The following PAK3 variants were observed in gnomAD, a reference collection of about 807,000 sequenced individuals.
PAK3 encodes serine/threonine-protein kinase PAK 3.
Under a neutral mutation model 41.0 loss-of-function variants are expected in PAK3, and 4 were observed. The observed-to-expected ratio is 0.10, with a 90% CI of 0.05 to 0.22. The LOEUF is 0.22. Among genes scored for constraint, PAK3 ranks in the 10% least tolerant of loss-of-function variants. PAK3 has a pLI of 1.00. For missense variants in PAK3, 205 were observed against 409.9 expected, an observed-to-expected ratio of 0.50 and a Z score of 4.32; for synonymous variants, 146 against 139.6, an observed-to-expected ratio of 1.05 and a Z score of -0.32.
Position 111,227,210 on chromosome X carries a change from A to T in PAK3, c.*6763A>T, listed in dbSNP as rs2094957350. The T allele has an allele frequency of 8.9e-6, 1 of 112,070 alleles. No homozygotes were observed. Among genetic ancestry groups the T allele is most frequent in the African/African-American group, 3.2e-5 (1 of 30,789 alleles). 9.2% of individuals were successfully genotyped at this position (112,070 alleles called of 1,213,427 possible). Reference sequence around the variant, plus strand: ...ACCTCAGCATCCAATCTTTTTAAGGATTTTTGTTTTCAATATTGTTATTTT... The same window carrying T: ...ACCTCAGCATCCAATCTTTTTAAGGTTTTTTGTTTTCAATATTGTTATTTT... On this transcript the variant is annotated 3_prime_UTR_variant, in exon 18 of 18. Coordinates refer to ENST00000372007, the MANE Select transcript of PAK3 (RefSeq NM_002578.5).
At chrX:111,123,610 CTAACTA>C (rs1208935002) in intron 5 of PAK3, among the ~76,000 whole-genome samples, 1 of 112,394 alleles carries the variant, frequency 8.9e-6, no homozygotes, top group Non-Finnish European at 1.9e-5. Flanking sequence ...TAATCCCTCC[CTAACTA>C]TAAGTTGTTC....
chrX:111,105,823 A>G (rs2093248623), intron 4 of PAK3, among the ~76,000 whole-genome samples: 1 of 111,437 alleles, frequency 9.0e-6, no homozygotes, highest in Admixed American at 9.6e-5. Flanking sequence ...ACATATTTTT[A>G]TAAACTCAGC....
Position 111,220,968 on chromosome X carries a change from AAAAACAAAAAC to A in PAK3, c.*535_*545del, listed in dbSNP as rs1439673681. 8.1e-5 allele frequency: 9 copies of A among 110,509 alleles called. No individual in the cohort carries two copies. The highest frequency in any genetic ancestry group is 2.1e-4 in the African/African-American group (6 of 28,911). The allele number at this position is 110,509 out of a possible 1,213,427, so 9.1% of individuals were successfully genotyped here. The stretch of plus-strand genomic sequence containing the variant: ...GGCAAAAAAAAAAAAAAAAACAAAC[AAAAACAAAAAC>A]AAAACAAAAACAAGCAAACAAAAAA... On this transcript the variant is annotated 3_prime_UTR_variant, in exon 18 of 18. Coordinates refer to ENST00000372007, the MANE Select transcript of PAK3 (RefSeq NM_002578.5).
intron 1 of PAK3, among the ~76,000 whole-genome samples, chrX:111,006,952 T>A (rs761827638): frequency 1.7e-4 from 18 of 105,378 alleles, no homozygotes; most frequent in African/African-American, 5.2e-4. Context: ...TCAAGTGATC[T>A]TCCCGCCTTG....
intron 10 of PAK3, among the ~76,000 whole-genome samples, chrX:111,172,327 C>T (rs2094353326): frequency 9.0e-6 from 1 of 111,512 alleles, no homozygotes; most frequent in Admixed American, 9.5e-5. Context: ...TGTTTATGAG[C>T]CTGAGCACAT....
intron 1 of PAK3, among the ~76,000 whole-genome samples, chrX:110,950,694 C>A (rs974926541): frequency 4.5e-5 from 5 of 111,645 alleles, no homozygotes; most frequent in African/African-American, 1.6e-4. Flanking sequence ...TTTAATCCAA[C>A]CTTTGTTGAT....
At chrX:111,051,682 T>C (rs1351545645) in intron 1 of PAK3, among the ~76,000 whole-genome samples, 2 of 59,315 alleles carry the variant, frequency 3.4e-5, no homozygotes, top group African/African-American at 1.0e-4. Flanking sequence ...ACAACGTGTG[T>C]TACCGTGTGT....
intron 5 of PAK3, among the ~76,000 whole-genome samples, chrX:111,136,835 C>T (rs1269973134): frequency 2.7e-5 from 3 of 111,723 alleles, no homozygotes; most frequent in Non-Finnish European, 5.7e-5. Flanking sequence ...AGGTTTCATC[C>T]CCAGAAATCC....
chrX:111,091,505 A>G (rs1027893596), upstream of PAK3, among the ~76,000 whole-genome samples: 1 of 112,226 alleles, frequency 8.9e-6, no homozygotes, highest in East Asian at 2.8e-4. Context: ...AGAGGCTGGA[A>G]TAGAACCTGG....
intron 1 of PAK3, among the ~76,000 whole-genome samples, chrX:110,973,027 A>G (rs908421509): frequency 8.9e-6 from 1 of 111,984 alleles, no homozygotes; most frequent in African/African-American, 3.3e-5. Context: ...AAGAGTAAAA[A>G]GAAATGAACA....
At chrX:111,180,364 A>T (rs1464950509) in intron 11 of PAK3, among the ~76,000 whole-genome samples, 2 of 111,471 alleles carry the variant, frequency 1.8e-5, no homozygotes, top group Non-Finnish European at 3.8e-5. Flanking sequence ...ATACCCTCCA[A>T]AATAACTTAT....
intron 1 of PAK3, among the ~76,000 whole-genome samples, chrX:110,952,439 C>G (rs748189604): frequency 2.8e-4 from 31 of 111,558 alleles, no homozygotes; most frequent in African/African-American, 8.8e-4. Context: ...TTGGACACTG[C>G]TGGAAAAGGA....
At chrX:110,980,709 G>A (rs1292579649) in intron 1 of PAK3, among the ~76,000 whole-genome samples, 1 of 112,071 alleles carries the variant, frequency 8.9e-6, no homozygotes, top group Non-Finnish European at 1.9e-5. Context: ...AAAAAGTATG[G>A]ACAGCCATGT....
intron 1 of PAK3, among the ~76,000 whole-genome samples, chrX:111,026,306 G>A (rs1385395806): frequency 9.0e-6 from 1 of 111,486 alleles, no homozygotes; most frequent in Non-Finnish European, 1.9e-5. Flanking sequence ...CCTAGCCAGA[G>A]CAATCAGACA....
At chrX:110,981,733 T>C (rs969418958) in intron 1 of PAK3, among the ~76,000 whole-genome samples, 1 of 111,579 alleles carries the variant, frequency 9.0e-6, no homozygotes, top group Admixed American at 9.5e-5. Flanking sequence ...TTCAATGCAA[T>C]GAGACCCTAA....
At chrX:111,152,285 A>G (rs2094039488) in intron 7 of PAK3, 125 bp from the exon 8 acceptor site, 2 of 501,846 alleles carry the variant, frequency 4.0e-6, no homozygotes, top group African/African-American at 2.4e-5. Flanking sequence ...TCTAGTTAAT[A>G]CTAAATTGGA....
At chrX:111,070,873 A>G (rs768037948) in intron 1 of PAK3, among the ~76,000 whole-genome samples, 2 of 111,942 alleles carry the variant, frequency 1.8e-5, no homozygotes, top group African/African-American at 6.5e-5. Flanking sequence ...GATGCTCTCC[A>G]AAGAGCCCAA....
rs1433702760 is a variant in PAK3, at chrX:111,146,028, A to G, written c.277-1709A>G. 3.6e-5 allele frequency among the ~76,000 whole-genome samples: 4 copies of G among 111,988 alleles called. No homozygotes were observed. In the East Asian group the frequency reaches 1.1e-3, roughly 32 times the overall value. The stretch of plus-strand genomic sequence containing the variant: ...AATGTTTCCATACAGCCATCCTTTG[A>G]ATTTTAGCCACATACACACTTTTGA... On this transcript the variant is annotated intron_variant, in intron 6 of 17. Coordinates refer to ENST00000372007, the MANE Select transcript of PAK3 (RefSeq NM_002578.5).
intron 1 of PAK3, among the ~76,000 whole-genome samples, chrX:111,061,472 C>A (rs986091515): frequency 8.9e-6 from 1 of 111,977 alleles, no homozygotes. Context: ...TGTACATTCA[C>A]TTTTCTTTTG....
Sources: gnomAD v4.1 joint callset for allele counts (sites outside exome capture counted in the v4.1 genomes callset) on GRCh38, gnomAD v4.1.1 for gene constraint, MANE v1.5 for transcripts, NCBI Gene and HGNC (gene_info 2026-07-23, HGNC 2026-07-21) for gene names.